The following CMIP variants were observed in gnomAD, a reference collection of about 807,000 sequenced individuals.
CMIP encodes c-Maf inducing protein.
A neutral mutation model predicts 97.3 loss-of-function variants in CMIP; 13 were observed. The observed-to-expected ratio is 0.13, with a 90% confidence interval of 0.09 to 0.21. The LOEUF is 0.21. Ranked by LOEUF, CMIP falls within the 10% of genes least tolerant of loss-of-function variation. The pLI is 1.00. For synonymous variants in CMIP, 538 were observed against 436.3 expected (o/e 1.23, Z -2.91); for missense variants, 847 against 1,024.9 (o/e 0.83, Z 2.37).
chr16:81,558,451 G>A (rs985459451), intron 1 of CMIP, among the ~76,000 whole-genome samples: 4 of 152,220 alleles, frequency 2.6e-5, no homozygotes, highest in African/African-American at 9.6e-5. Flanking sequence ...GGACCTGCCA[G>A]ATTATTTTCC....
In CMIP at chr16:81,603,049, T is replaced by C. The variant is rs1159159236; in HGVS notation, c.301-4518T>C. Among the ~76,000 whole-genome samples the C allele has an allele frequency of 2.6e-5, 4 of 152,142 alleles. No homozygotes were observed. The East Asian group carries it at 5.8e-4, about 22-fold the overall frequency. On this transcript the variant is annotated intron_variant, in intron 1 of 20. Coordinates refer to ENST00000537098, the MANE Select transcript of CMIP (RefSeq NM_198390.3). ...AGCCTCCCGTGTTCCTGCCCAGTGA[T>C]AGCACTACAGCAGCAGCAGTTTTTT...
intron 3 of CMIP, among the ~76,000 whole-genome samples, chr16:81,650,071 G>A (rs917369605): frequency 1.3e-5 from 2 of 152,204 alleles, no homozygotes; most frequent in Admixed American, 6.5e-5. Flanking sequence ...TCAGTGGACT[G>A]GGTGCGTCTC....
At chr16:81,464,820 C>CT (rs1269379286) in intron 1 of CMIP, 1 of 152,216 alleles carries the variant, frequency 6.6e-6, no homozygotes, top group Non-Finnish European at 1.5e-5. Context: ...ATTTGTCCTT[C>CT]TGTGTCTGGC....
intron 9 of CMIP, among the ~76,000 whole-genome samples, chr16:81,674,063 C>A (rs1313564264): frequency 2.6e-5 from 4 of 152,168 alleles, no homozygotes; most frequent in Non-Finnish European, 5.9e-5. Flanking sequence ...TGTTTTCTTG[C>A]AGCAGGGCAT....
chr16:81,451,460 A>T (rs1255583702), intron 1 of CMIP, among the ~76,000 whole-genome samples: 2 of 152,222 alleles, frequency 1.3e-5, no homozygotes, highest in African/African-American at 4.8e-5. Flanking sequence ...GTGGGAACGG[A>T]CTAATACACT....
chr16:81,691,468 TC>T (rs906217434), intron 10 of CMIP, among the ~76,000 whole-genome samples: 5 of 152,122 alleles, frequency 3.3e-5, no homozygotes, highest in African/African-American at 1.2e-4. Flanking sequence ...CCCCTAATGG[TC>T]CCAAAGAGGG....
At chr16:81,685,936 G>C (rs1226604719) in intron 10 of CMIP, among the ~76,000 whole-genome samples, 1 of 152,134 alleles carries the variant, frequency 6.6e-6, no homozygotes. Context: ...TGTGAGACAT[G>C]GTTATTGAGA....
chr16:81,571,079 C>A (rs890073739), intron 1 of CMIP, among the ~76,000 whole-genome samples: 2 of 152,144 alleles, frequency 1.3e-5, no homozygotes, highest in African/African-American at 2.4e-5. Context: ...TGTAAATAGT[C>A]GGAAAATGAG....
intron 1 of CMIP, among the ~76,000 whole-genome samples, chr16:81,563,837 A>G (rs2090931106): frequency 6.6e-6 from 1 of 152,204 alleles, no homozygotes; most frequent in Admixed American, 6.5e-5. Context: ...GAGGGTCAGC[A>G]CTGTCGGGGC....
chr16:81,523,920 C>T (rs976292987), intron 1 of CMIP, among the ~76,000 whole-genome samples: 1 of 152,388 alleles, frequency 6.6e-6, no homozygotes, highest in Non-Finnish European at 1.5e-5. Flanking sequence ...CGCCTGCACA[C>T]CGGCAGAACT....
intron 2 of CMIP, chr16:81,620,306 G>A (rs770895125): frequency 6.5e-6 from 1 of 152,874 alleles, no homozygotes; most frequent in Non-Finnish European, 1.5e-5. Flanking sequence ...AGAAGGTCAT[G>A]GTTAAATGCC....
chr16:81,473,816 T>A (rs1304002311), intron 1 of CMIP, among the ~76,000 whole-genome samples: 1 of 151,538 alleles, frequency 6.6e-6, no homozygotes, highest in East Asian at 1.9e-4. Context: ...CAGTGGTTTT[T>A]TTTTTTTTTT....
chr16:81,638,118 C>T (rs1350724482), intron 3 of CMIP, among the ~76,000 whole-genome samples: 1 of 152,208 alleles, frequency 6.6e-6, no homozygotes, highest in Non-Finnish European at 1.5e-5. Flanking sequence ...CCCCTCACTC[C>T]GGTGTCTGCC....
At chr16:81,665,180 C>A (rs1210353263) in intron 7 of CMIP, 1 of 151,876 alleles carries the variant, frequency 6.6e-6, no homozygotes, top group Non-Finnish European at 1.5e-5. Context: ...GATTTAATTG[C>A]ACACTTAGAG....
At chr16:81,473,225 G>T (rs1907667183) in intron 1 of CMIP, among the ~76,000 whole-genome samples, 1 of 152,220 alleles carries the variant, frequency 6.6e-6, no homozygotes, top group African/African-American at 2.4e-5. Context: ...ACGTGAACAG[G>T]CTGCGGCTGT....
At chr16:81,679,253 ATGTGTG>A (rs71391549) in intron 10 of CMIP, among the ~76,000 whole-genome samples, 20 of 148,182 alleles carry the variant, frequency 1.3e-4, no homozygotes, top group Middle Eastern at 3.5e-3. Flanking sequence ...CTCTGTAGGG[ATGTGTG>A]TGTGTGTGTG....
At chr16:81,577,424 A>G (rs1248674898) in intron 1 of CMIP, among the ~76,000 whole-genome samples, 1 of 151,276 alleles carries the variant, frequency 6.6e-6, no homozygotes, top group Non-Finnish European at 1.5e-5. Flanking sequence ...TATCACTATC[A>G]CCATCACCAT....
At chr16:81,686,755 C>T (rs1285878295) in intron 10 of CMIP, among the ~76,000 whole-genome samples, 2 of 152,124 alleles carry the variant, frequency 1.3e-5, no homozygotes, top group Non-Finnish European at 1.5e-5. Context: ...CGCCTGTTGT[C>T]GATGGGAGTG....
chr16:81,626,807 G>C (rs1370481877), intron 3 of CMIP, among the ~76,000 whole-genome samples: 1 of 131,248 alleles, frequency 7.6e-6, no homozygotes, highest in Non-Finnish European at 1.7e-5. Flanking sequence ...GTGTGTGTGT[G>C]TGTGTGTGTG....
Sources: gnomAD v4.1 joint callset for allele counts (sites outside exome capture counted in the v4.1 genomes callset) on GRCh38, gnomAD v4.1.1 for gene constraint, MANE v1.5 for transcripts, NCBI Gene and HGNC (gene_info 2026-07-23, HGNC 2026-07-21) for gene names.